PPM1E: variants seen among roughly 807,000 people sequenced by gnomAD.
The protein encoded by PPM1E is protein phosphatase, Mg2+/Mn2+ dependent 1E.
In PPM1E, 20 loss-of-function variants were observed where a neutral mutation model predicts 65.9. The ratio of observed to expected loss-of-function variants is 0.30; its 90% confidence interval spans 0.21 to 0.44. PPM1E has a LOEUF of 0.44. Among genes scored for constraint, PPM1E ranks in the 20% least tolerant of loss-of-function variants. The probability of loss-of-function intolerance (pLI) is 1.00; values close to 1 mark genes in which losing one functional copy is unlikely to be tolerated. For missense variants in PPM1E, 713 were observed against 953.1 expected (o/e 0.75, Z 3.32); for synonymous variants, 352 against 374.9 (o/e 0.94, Z 0.70).
At chr17:58,861,655 G>C (rs961097687) in intron 1 of PPM1E, among the ~76,000 whole-genome samples, 1 of 152,174 alleles carries the variant, frequency 6.6e-6, no homozygotes, top group East Asian at 1.9e-4. Context: ...GCTGGGCACG[G>C]TGGCTCACGC....
chr17:58,908,904 G>C (rs548225650), intron 1 of PPM1E, among the ~76,000 whole-genome samples: 27 of 151,988 alleles, frequency 1.8e-4, no homozygotes, highest in Non-Finnish European at 3.4e-4. Context: ...TATCATTGCT[G>C]TTATTTATTT....
intron 1 of PPM1E, among the ~76,000 whole-genome samples, chr17:58,936,613 G>A (rs980703641): frequency 7.2e-5 from 11 of 152,194 alleles, no homozygotes; most frequent in Non-Finnish European, 1.0e-4. Flanking sequence ...TTAGTGATTT[G>A]TGTAGGTTTG....
At chr17:58,762,589 A>G (rs1348300800) in intron 1 of PPM1E, among the ~76,000 whole-genome samples, 1 of 152,180 alleles carries the variant, frequency 6.6e-6, no homozygotes, top group Non-Finnish European at 1.5e-5. Flanking sequence ...TGTATGGTCA[A>G]CATATGTGTT....
chr17:58,805,673 T>A (rs2050298608), intron 1 of PPM1E, among the ~76,000 whole-genome samples: 1 of 152,058 alleles, frequency 6.6e-6, no homozygotes, highest in African/African-American at 2.4e-5. Context: ...AATAATAATA[T>A]GTGACCTCAC....
At chr17:58,827,348 G>A (rs920885853) in intron 1 of PPM1E, among the ~76,000 whole-genome samples, 1 of 151,194 alleles carries the variant, frequency 6.6e-6, no homozygotes, top group African/African-American at 2.4e-5. Flanking sequence ...CATGTTGGCC[G>A]GGCTGGTCTC....
chr17:58,941,803 G>A lies in PPM1E; in HGVS notation c.465-13846G>A, dbSNP rs564466713. Among the ~76,000 whole-genome samples, 37 of 150,338 alleles carry A rather than the reference G, an allele frequency of 2.5e-4. No individual in the cohort carries two copies. The South Asian group carries it at 7.4e-3, about 30-fold the overall frequency. Reference sequence around the variant, plus strand: ...GCAGATCACCTGAGGTCAGGAGTTCGAGTCCAGCCTGGCCAACATAGTGAA... The same window carrying A: ...GCAGATCACCTGAGGTCAGGAGTTCAAGTCCAGCCTGGCCAACATAGTGAA... On this transcript the variant is annotated intron_variant, in intron 1 of 6. Transcript: ENST00000308249.
chr17:58,898,253 C>CAAA (rs1346932052), intron 1 of PPM1E, among the ~76,000 whole-genome samples: 3 of 65,876 alleles, frequency 4.6e-5, no homozygotes, highest in Admixed American at 1.8e-4. Context: ...GACTGCGTCT[C>CAAA]AAAAAAAAAA....
rs147161854 is a variant in PPM1E, at chr17:58,863,982, T to A, written c.465-91667T>A. ...GAACATTTAGGTGGGGAAATGGGGA[T>A]GTGAAGTTCTCATTTAGGGCTGCAG... On this transcript the variant is annotated intron_variant, in intron 1 of 6. Coordinates refer to ENST00000308249, the MANE Select transcript of PPM1E (RefSeq NM_014906.5). 1.5e-3 allele frequency among the ~76,000 whole-genome samples: 230 copies of A among 151,626 alleles called. 1 individual carries two copies. Among genetic ancestry groups the A allele is most frequent in the African/African-American group, 5.4e-3 (222 of 41,306 alleles).
chr17:58,854,221 A>C (rs2050857884), intron 1 of PPM1E, among the ~76,000 whole-genome samples: 1 of 152,186 alleles, frequency 6.6e-6, no homozygotes, highest in Admixed American at 6.5e-5. Flanking sequence ...CATTTAGTGA[A>C]TAGATGCAAC....
rs141531069 is a variant in PPM1E, at chr17:58,791,309, A to G, written c.464+34848A>G. Reference sequence around the variant, plus strand: ...AGATTATCAGATTATGATAAATGCTATAATGGACATGAACAGGAATAAAAG... The same window carrying G: ...AGATTATCAGATTATGATAAATGCTGTAATGGACATGAACAGGAATAAAAG... On this transcript the variant is annotated intron_variant, in intron 1 of 6. Transcript: ENST00000308249. Among the ~76,000 whole-genome samples the G allele has an allele frequency of 3.3e-3, 506 of 152,356 alleles. 3 individuals carry two copies. The highest frequency in any genetic ancestry group is 6.8e-3 in the Middle Eastern group (2 of 294).
intron 1 of PPM1E, among the ~76,000 whole-genome samples, chr17:58,945,323 A>G (rs544932022): frequency 1.3e-4 from 20 of 152,218 alleles, no homozygotes; most frequent in South Asian, 2.1e-4. Context: ...ATGTATTTTT[A>G]GTAGAGACGG....
intron 3 of PPM1E, among the ~76,000 whole-genome samples, chr17:58,967,795 CTTTA>C (rs938133535): frequency 2.0e-5 from 3 of 147,334 alleles, no homozygotes; most frequent in African/African-American, 5.0e-5. Context: ...TGTCAGCATT[CTTTA>C]TTTCTTTTTT....
intron 1 of PPM1E, among the ~76,000 whole-genome samples, chr17:58,940,423 T>C (rs1227102477): frequency 6.6e-6 from 1 of 152,246 alleles, no homozygotes; most frequent in African/African-American, 2.4e-5. Context: ...TCTAGCTTAA[T>C]GTTTTATATC....
chr17:58,920,798 A>C (rs1304382289), intron 1 of PPM1E, among the ~76,000 whole-genome samples: 1 of 152,226 alleles, frequency 6.6e-6, no homozygotes, highest in Non-Finnish European at 1.5e-5. Context: ...CAGCATATAG[A>C]TAATACATAA....
chr17:58,837,919 G>A (rs1401747882), intron 1 of PPM1E, among the ~76,000 whole-genome samples: 3 of 152,172 alleles, frequency 2.0e-5, no homozygotes, highest in Non-Finnish European at 4.4e-5. Context: ...GTCCAGCCAG[G>A]GCTGTTAGAC....
chr17:58,832,031 G>A (rs1008913454), intron 1 of PPM1E, among the ~76,000 whole-genome samples: 1 of 152,144 alleles, frequency 6.6e-6, no homozygotes, highest in African/African-American at 2.4e-5. Flanking sequence ...CTTATCTTGG[G>A]TGAAAGTCTT....
chr17:58,923,616 G>A (rs183069007), intron 1 of PPM1E, among the ~76,000 whole-genome samples: 28 of 151,858 alleles, frequency 1.8e-4, no homozygotes, highest in South Asian at 8.3e-4. Context: ...GTGGTGGCAT[G>A]TGCCTCCCGA....
intron 1 of PPM1E, among the ~76,000 whole-genome samples, chr17:58,950,565 T>C (rs1432625322): frequency 6.6e-6 from 1 of 152,170 alleles, no homozygotes; most frequent in Non-Finnish European, 1.5e-5. Flanking sequence ...AATGCAATTA[T>C]TTGTTTGCTT....
intron 2 of PPM1E, among the ~76,000 whole-genome samples, chr17:58,959,662 C>T (rs992188979): frequency 5.4e-5 from 8 of 147,296 alleles, no homozygotes; most frequent in African/African-American, 2.0e-4. Context: ...CCACTGCACC[C>T]AGCCTAAAAA....
Sources: allele counts gnomAD v4.1 joint callset (sites outside exome capture counted in the v4.1 genomes callset), GRCh38; gene constraint gnomAD v4.1.1; transcripts MANE v1.5; gene names NCBI Gene and HGNC (gene_info 2026-07-23, HGNC 2026-07-21).